The following ADAM22 variants were observed in gnomAD, a reference collection of about 807,000 sequenced individuals.
ADAM22 encodes the protein ADAM metallopeptidase domain 22.
Under a neutral mutation model 144.6 loss-of-function variants are expected in ADAM22, and 65 were observed. The ratio of observed to expected loss-of-function variants is 0.45; its 90% confidence interval spans 0.37 to 0.55. ADAM22 has a LOEUF of 0.55. Ranked by LOEUF, ADAM22 falls within the 20% of genes least tolerant of loss-of-function variation. ADAM22 has a pLI of 0.00. For synonymous variants in ADAM22, 391 were observed against 412.6 expected (o/e 0.95, Z 0.63); for missense variants, 974 against 1,184.9 (o/e 0.82, Z 2.61).
chr7:88,113,119 CTTTTTTTTTTTT>C lies in ADAM22; in HGVS notation c.474-1450_474-1439del, dbSNP rs34323035. ...TTTCTGCATCCCCCCTGCCTGCCCT[CTTTTTTTTTTTT>C]TTTTTTTTTTTTTTGAGACAGGGTC... is the stretch of plus-strand genomic sequence containing the variant. On this transcript the variant is annotated intron_variant, in intron 5 of 31. Coordinates refer to ENST00000413139, the MANE Select transcript of ADAM22 (RefSeq NM_001324418.2). Among the ~76,000 whole-genome samples, 4 of 79,020 alleles carry C rather than the reference CTTTTTTTTTTTT, an allele frequency of 5.1e-5. No homozygotes were observed. In the East Asian group the frequency reaches 1.6e-3, roughly 32 times the overall value. 51.8% of individuals were successfully genotyped at this position (79,020 alleles called of 152,430 possible).
intron 7 of ADAM22, among the ~76,000 whole-genome samples, chr7:88,120,311 A>G (rs1828947526): frequency 6.6e-6 from 1 of 151,884 alleles, no homozygotes; most frequent in African/African-American, 2.4e-5. Flanking sequence ...ATATCTCCTA[A>G]TGCTATCCCT....
chr7:88,122,875 T>C (rs1672627186), intron 7 of ADAM22, among the ~76,000 whole-genome samples: 1 of 152,236 alleles, frequency 6.6e-6, no homozygotes, highest in Non-Finnish European at 1.5e-5. Context: ...TGTTCTCAAC[T>C]CTTAATTCTG....
At chr7:88,050,652 G>A (rs997459382) in intron 3 of ADAM22, among the ~76,000 whole-genome samples, 2 of 152,274 alleles carry the variant, frequency 1.3e-5, no homozygotes, top group Non-Finnish European at 2.9e-5. Flanking sequence ...CTGCATAAAT[G>A]TCTTCTTTTG....
intron 7 of ADAM22, among the ~76,000 whole-genome samples, chr7:88,117,631 A>G (rs1269959760): frequency 1.3e-5 from 2 of 152,038 alleles, no homozygotes; most frequent in Non-Finnish European, 2.9e-5. Flanking sequence ...ATCTTTATTC[A>G]GAAGATATCT....
intron 3 of ADAM22, among the ~76,000 whole-genome samples, chr7:88,011,884 T>A (rs773236124): frequency 1.2e-4 from 19 of 152,212 alleles, no homozygotes; most frequent in Admixed American, 1.1e-3. Flanking sequence ...TGTGGTTTAG[T>A]CATTAACTTT....
intron 3 of ADAM22, among the ~76,000 whole-genome samples, chr7:88,009,418 A>AT (rs573826004): frequency 1.0e-3 from 155 of 152,136 alleles, no homozygotes; most frequent in African/African-American, 3.4e-3. Flanking sequence ...TAGTTCATTA[A>AT]TTTTTTGTCT....
At chr7:87,960,790 T>C (rs1387072937) in intron 2 of ADAM22, among the ~76,000 whole-genome samples, 3 of 152,228 alleles carry the variant, frequency 2.0e-5, no homozygotes, top group Non-Finnish European at 2.9e-5. Context: ...AGTAGCTGTT[T>C]TGAGTAACTA....
chr7:88,025,766 A>AT (rs1798889066), intron 3 of ADAM22, among the ~76,000 whole-genome samples: 1 of 152,160 alleles, frequency 6.6e-6, no homozygotes, highest in Non-Finnish European at 1.5e-5. Flanking sequence ...TTTGGTTACT[A>AT]TAGCTCTGAA....
intron 7 of ADAM22, among the ~76,000 whole-genome samples, chr7:88,117,304 TAA>T (rs1828005516): frequency 6.6e-6 from 1 of 152,250 alleles, no homozygotes; most frequent in Non-Finnish European, 1.5e-5. Flanking sequence ...AGGTTAATTT[TAA>T]GAGTGTTTGT....
intron 14 of ADAM22, among the ~76,000 whole-genome samples, chr7:88,139,482 T>C (rs936613213): frequency 6.6e-6 from 1 of 151,974 alleles, no homozygotes; most frequent in Non-Finnish European, 1.5e-5. Context: ...AAAAAAGACC[T>C]ATTTAAATTT....
chr7:88,087,104 A>C (rs1302824262), intron 4 of ADAM22, among the ~76,000 whole-genome samples: 2 of 152,186 alleles, frequency 1.3e-5, no homozygotes, highest in Admixed American at 1.3e-4. Flanking sequence ...TTGAATCTAG[A>C]TTCTCTAACT....
intron 3 of ADAM22, among the ~76,000 whole-genome samples, chr7:88,075,384 G>A (rs4442059): frequency 0.39 from 58,751 of 151,968 alleles, 12,213 homozygotes; most frequent in South Asian, 0.61. Flanking sequence ...AGCAGAATCA[G>A]CTGTGCTCAG....
At chr7:88,078,466 C>A (rs1200896008) in intron 4 of ADAM22, among the ~76,000 whole-genome samples, 1 of 152,248 alleles carries the variant, frequency 6.6e-6, no homozygotes, top group Non-Finnish European at 1.5e-5. Flanking sequence ...GAGCGCAGCT[C>A]CTCGCCAGCA....
intron 2 of ADAM22, among the ~76,000 whole-genome samples, chr7:87,953,135 A>G (rs1286797335): frequency 6.7e-6 from 1 of 148,466 alleles, no homozygotes; most frequent in African/African-American, 2.5e-5. Context: ...TTTTGTCTCT[A>G]TTTCCTTTAG....
At chr7:87,937,607 C>T (rs942547431) in intron 2 of ADAM22, among the ~76,000 whole-genome samples, 7 of 152,156 alleles carry the variant, frequency 4.6e-5, no homozygotes, top group Non-Finnish European at 8.8e-5. Context: ...GTCAGTCCTC[C>T]TTTTCTCCCC....
At chr7:88,003,009 C>T (rs1792936024) in intron 3 of ADAM22, among the ~76,000 whole-genome samples, 1 of 152,160 alleles carries the variant, frequency 6.6e-6, no homozygotes, top group Non-Finnish European at 1.5e-5. Context: ...AGTAGCTACA[C>T]AAATTGTGAA....
At chr7:88,050,552 G>T (rs1288232985) in intron 3 of ADAM22, among the ~76,000 whole-genome samples, 1 of 151,526 alleles carries the variant, frequency 6.6e-6, no homozygotes, top group African/African-American at 2.4e-5. Flanking sequence ...TGAAGTCAGA[G>T]CTAGAAAAGA....
At chr7:88,008,970 C>G (rs1381551964) in intron 3 of ADAM22, among the ~76,000 whole-genome samples, 1 of 151,584 alleles carries the variant, frequency 6.6e-6, no homozygotes, top group Non-Finnish European at 1.5e-5. Context: ...ATATAGAGAT[C>G]CAAACTTTCC....
At chr7:88,071,334 A>G (rs958306584) in intron 3 of ADAM22, among the ~76,000 whole-genome samples, 1 of 151,094 alleles carries the variant, frequency 6.6e-6, no homozygotes, top group Non-Finnish European at 1.5e-5. Context: ...TGAAATCAGG[A>G]TATGGGATGC....
Sources: allele counts gnomAD v4.1 joint callset (sites outside exome capture counted in the v4.1 genomes callset), GRCh38; gene constraint gnomAD v4.1.1; transcripts MANE v1.5; gene names NCBI Gene and HGNC (gene_info 2026-07-23, HGNC 2026-07-21).